EPHA7: variants seen among roughly 807,000 people sequenced by gnomAD.
EPHA7 encodes the protein EPH receptor A7, also known as ephrin type-A receptor 7.
A neutral mutation model predicts 112.6 loss-of-function variants in EPHA7; 25 were observed. The observed-to-expected ratio is 0.22, with a 90% CI of 0.16 to 0.31. The LOEUF (loss-of-function observed/expected upper bound fraction) is 0.31, where lower values mean the gene tolerates loss of function less well. EPHA7 is among the 10% of genes least tolerant of loss of function. EPHA7 has a pLI of 1.00. For missense variants in EPHA7, 962 were observed against 1,212.6 expected (o/e 0.79, Z 3.07); for synonymous variants, 437 against 406.5 (o/e 1.07, Z -0.90).
chr6:93,400,330 T>C (rs149598541), intron 3 of EPHA7, among the ~76,000 whole-genome samples: 193 of 152,214 alleles, frequency 1.3e-3, no homozygotes, highest in African/African-American at 4.4e-3. Flanking sequence ...ACAGGGAACA[T>C]ATAAATCACT....
intron 5 of EPHA7, among the ~76,000 whole-genome samples, chr6:93,333,920 T>C (rs866472790): frequency 6.6e-6 from 1 of 151,968 alleles, no homozygotes; most frequent in Non-Finnish European, 1.5e-5. Context: ...ACCGATGAAA[T>C]TGTTCACATA....
chr6:93,361,996 TTTAA>T (rs1290564786), intron 3 of EPHA7, among the ~76,000 whole-genome samples: 4 of 152,130 alleles, frequency 2.6e-5, no homozygotes, highest in Admixed American at 2.0e-4. Context: ...GTTTTAAATA[TTTAA>T]TTACTTTTGT....
chr6:93,347,064 T>C (rs1285181598), intron 5 of EPHA7, among the ~76,000 whole-genome samples: 6 of 151,850 alleles, frequency 4.0e-5, no homozygotes, highest in Admixed American at 1.3e-4. Flanking sequence ...GGAAGTCATA[T>C]TTTTTGAAGA....
intron 3 of EPHA7, among the ~76,000 whole-genome samples, chr6:93,387,431 A>C (rs1777665597): frequency 2.0e-5 from 3 of 152,066 alleles, no homozygotes; most frequent in African/African-American, 7.2e-5. Flanking sequence ...ACTTTCCCAC[A>C]TCTTCCTGTC....
Position 93,419,416 on chromosome 6 carries a change from T to A in EPHA7, c.-75A>T. 1 of 1,260,584 alleles carries A rather than the reference T, an allele frequency of 7.9e-7. No homozygotes were observed. The highest frequency in any genetic ancestry group is 1.1e-6 in the Non-Finnish European group (1 of 874,748). 78.1% of individuals were successfully genotyped at this position (1,260,584 alleles called of 1,614,324 possible). ...TTTTTAAATGCTGTTTGTTCCGAAG[T>A]AGCTTTTGTTTTATTGTGCTCCTTG... is the stretch of plus-strand genomic sequence containing the variant. On this transcript the variant is annotated 5_prime_UTR_variant, in exon 1 of 17. Transcript: ENST00000369303.
At chr6:93,256,323 G>A (rs1477731290) in intron 12 of EPHA7, among the ~76,000 whole-genome samples, 1 of 151,986 alleles carries the variant, frequency 6.6e-6, no homozygotes, top group African/African-American at 2.4e-5. Flanking sequence ...TAATTTTTAA[G>A]TTTGGAAATA....
chr6:93,387,330 C>G (rs890950826), intron 3 of EPHA7, among the ~76,000 whole-genome samples: 5 of 152,120 alleles, frequency 3.3e-5, no homozygotes, highest in African/African-American at 4.8e-5. Flanking sequence ...ATTTCCTCAT[C>G]TCCATCTGAG....
At chr6:93,366,462 AC>A (rs1230281662) in intron 3 of EPHA7, among the ~76,000 whole-genome samples, 10 of 152,192 alleles carry the variant, frequency 6.6e-5, no homozygotes, top group African/African-American at 2.4e-4. Context: ...CTGCTAAACT[AC>A]CTTCCAATTG....
At chr6:93,268,720 C>G (rs1771067923) in intron 7 of EPHA7, among the ~76,000 whole-genome samples, 1 of 151,748 alleles carries the variant, frequency 6.6e-6, no homozygotes, top group Non-Finnish European at 1.5e-5. Context: ...TGGGGACATC[C>G]ATCCCAAGAT....
At chr6:93,321,070 C>T (rs1774046692) in intron 5 of EPHA7, among the ~76,000 whole-genome samples, 1 of 151,848 alleles carries the variant, frequency 6.6e-6, no homozygotes, top group Non-Finnish European at 1.5e-5. Context: ...AATTCATACC[C>T]TTGAGAAAAT....
Position 93,369,687 on chromosome 6 carries a change from C to T in EPHA7, c.833-11276G>A, listed in dbSNP as rs369087057. ...TTTATGCATGTGTCCTCTAACTCAC[C>T]GTGAAACCCTCAAGTTCAGGGATTA... On this transcript the variant is annotated intron_variant, in intron 3 of 16. Coordinates refer to ENST00000369303, the MANE Select transcript of EPHA7 (RefSeq NM_004440.4). 9.9e-5 allele frequency among the ~76,000 whole-genome samples: 15 copies of T among 152,142 alleles called. No homozygotes were observed. The South Asian group carries it at 2.7e-3, about 27-fold the overall frequency.
intron 14 of EPHA7, among the ~76,000 whole-genome samples, chr6:93,249,741 T>G (rs1385916692): frequency 6.6e-6 from 1 of 152,188 alleles, no homozygotes; most frequent in African/African-American, 2.4e-5. Context: ...TTTCCTTTTT[T>G]CTTTCCCTCC....
intron 3 of EPHA7, among the ~76,000 whole-genome samples, chr6:93,366,530 C>T (rs992543043): frequency 2.6e-5 from 4 of 152,138 alleles, no homozygotes; most frequent in African/African-American, 4.8e-5. Flanking sequence ...TCAGCCTAAC[C>T]GCCCCTACAA....
chr6:93,361,901 T>C (rs1354653661), intron 3 of EPHA7, among the ~76,000 whole-genome samples: 1 of 152,104 alleles, frequency 6.6e-6, no homozygotes, highest in Non-Finnish European at 1.5e-5. Context: ...AAATATAGCA[T>C]TGTAACTTTG....
intron 1 of EPHA7, among the ~76,000 whole-genome samples, chr6:93,417,947 G>C (rs1398621110): frequency 1.3e-5 from 2 of 152,014 alleles, no homozygotes; most frequent in Non-Finnish European, 2.9e-5. Flanking sequence ...AGGAGTGCAC[G>C]ATGAGAATAA....
chr6:93,366,584 G>A (rs1776521956), intron 3 of EPHA7, among the ~76,000 whole-genome samples: 1 of 152,084 alleles, frequency 6.6e-6, no homozygotes, highest in African/African-American at 2.4e-5. Context: ...TAGTCTTTCA[G>A]AGATGCCTTA....
At chr6:93,391,363 C>T (rs188177914) in intron 3 of EPHA7, among the ~76,000 whole-genome samples, 2 of 151,886 alleles carry the variant, frequency 1.3e-5, no homozygotes, top group East Asian at 3.9e-4. Flanking sequence ...AGACAACTGG[C>T]AAGAGAGGAA....
At chr6:93,271,470 C>G (rs60964062) in intron 6 of EPHA7, among the ~76,000 whole-genome samples, 15,839 of 151,796 alleles carry the variant, frequency 0.1, 1,099 homozygotes, top group Non-Finnish European at 0.15. Flanking sequence ...AATAGTAACA[C>G]TTATTACTGT....
At chr6:93,413,132 C>T (rs563192656) in intron 2 of EPHA7, among the ~76,000 whole-genome samples, 5 of 151,758 alleles carry the variant, frequency 3.3e-5, no homozygotes, top group Admixed American at 1.3e-4. Flanking sequence ...TTTTATAGTA[C>T]GTTTATAGAA....
Sources: gnomAD v4.1 joint callset for allele counts (sites outside exome capture counted in the v4.1 genomes callset) on GRCh38, gnomAD v4.1.1 for gene constraint, MANE v1.5 for transcripts, NCBI Gene and HGNC (gene_info 2026-07-23, HGNC 2026-07-21) for gene names.